IGSF21: variants seen among roughly 807,000 people sequenced by gnomAD.
IGSF21 encodes immunoglobulin superfamily member 21.
IGSF21 carries 28 observed loss-of-function variants against 46.8 expected under a neutral mutation model. The observed-to-expected ratio is 0.60, with a 90% CI of 0.44 to 0.82. The LOEUF (loss-of-function observed/expected upper bound fraction) is 0.82. Ranked by LOEUF, IGSF21 falls within the 40% of genes least tolerant of loss-of-function variation. The probability of loss-of-function intolerance (pLI) is 0.00; values close to 1 mark genes in which losing one functional copy is unlikely to be tolerated. For missense variants in IGSF21, 624 were observed against 665.5 expected (o/e 0.94, Z 0.69); for synonymous variants, 284 against 273.6 (o/e 1.04, Z -0.38).
At chr1:18,262,138 A>T (rs750900074) in intron 2 of IGSF21, among the ~76,000 whole-genome samples, 42 of 152,194 alleles carry the variant, frequency 2.8e-4, no homozygotes, top group Non-Finnish European at 5.1e-4. Context: ...TGATGCTGCC[A>T]AATCGGGACC....
At chr1:18,343,966 G>T (rs1557653135) in intron 4 of IGSF21, among the ~76,000 whole-genome samples, 1 of 152,174 alleles carries the variant, frequency 6.6e-6, no homozygotes, top group Non-Finnish European at 1.5e-5. Flanking sequence ...GGACTGGTGA[G>T]GGTTCCCAGA....
intron 1 of IGSF21, among the ~76,000 whole-genome samples, chr1:18,130,655 G>A (rs771122781): frequency 3.9e-5 from 6 of 152,154 alleles, no homozygotes; most frequent in Admixed American, 3.3e-4. Context: ...GTCAGAGCCC[G>A]GATTCAAATC....
At chr1:18,214,245 A>AGCCCG (rs1167676204) in intron 1 of IGSF21, among the ~76,000 whole-genome samples, 11 of 152,186 alleles carry the variant, frequency 7.2e-5, no homozygotes, top group African/African-American at 2.4e-4. Flanking sequence ...ATTTCAAAAG[A>AGCCCG]GCCCGGGAGG....
intron 2 of IGSF21, among the ~76,000 whole-genome samples, chr1:18,264,449 T>C (rs1237495932): frequency 1.3e-5 from 2 of 152,226 alleles, no homozygotes; most frequent in Admixed American, 1.3e-4. Context: ...AGATAGTCTG[T>C]GCCTTCAGAC....
intron 1 of IGSF21, among the ~76,000 whole-genome samples, chr1:18,215,881 TC>T (rs1453272524): frequency 7.9e-5 from 12 of 152,072 alleles, no homozygotes; most frequent in Non-Finnish European, 1.8e-4. Flanking sequence ...GGCTCACAAA[TC>T]CCCGTAAGGT....
At chr1:18,298,735 T>G (rs928293406) in intron 3 of IGSF21, among the ~76,000 whole-genome samples, 3 of 152,228 alleles carry the variant, frequency 2.0e-5, no homozygotes, top group African/African-American at 7.2e-5. Flanking sequence ...CACTCAACAG[T>G]GCACAATAAG....
intron 2 of IGSF21, among the ~76,000 whole-genome samples, chr1:18,273,359 C>G (rs989769283): frequency 5.2e-4 from 63 of 121,992 alleles, no homozygotes; most frequent in African/African-American, 2.2e-3. Flanking sequence ...CCTTTCCTTT[C>G]CTTTCCTTTC....
In IGSF21 at chr1:18,337,845, T is replaced by G. The variant is rs923463799; in HGVS notation, c.424+2835T>G. ...CGGCGCGTGGGGGATTACTATTATC[T>G]CTAACTCACAGATGAAGAGACTGAG... On this transcript the variant is annotated intron_variant, in intron 4 of 9. Transcript: ENST00000251296. The surrounding 1 kb of genome is among the most constrained non-coding windows in gnomAD (Gnocchi z 5.7). 6.6e-6 allele frequency among the ~76,000 whole-genome samples: 1 copy of G among 152,084 alleles called. No homozygotes were observed. The highest frequency in any genetic ancestry group is 1.5e-5 in the Non-Finnish European group (1 of 68,026).
At chr1:18,203,617 A>G (rs1429442651) in intron 1 of IGSF21, among the ~76,000 whole-genome samples, 7 of 152,102 alleles carry the variant, frequency 4.6e-5, no homozygotes, top group African/African-American at 1.7e-4. Flanking sequence ...CCCCTTGATA[A>G]CTAATTGTTA....
intron 3 of IGSF21, among the ~76,000 whole-genome samples, chr1:18,314,848 T>C (rs2085524831): frequency 6.6e-6 from 1 of 152,046 alleles, no homozygotes; most frequent in South Asian, 2.1e-4. Flanking sequence ...AAGAGCTGGA[T>C]GGGCGGATGA....
At chr1:18,268,746 T>C (rs1269315640) in intron 2 of IGSF21, among the ~76,000 whole-genome samples, 1 of 152,124 alleles carries the variant, frequency 6.6e-6, no homozygotes, top group African/African-American at 2.4e-5. Flanking sequence ...GAATCATGCA[T>C]GTAGTTGGTC....
At chr1:18,205,363 G>A (rs737484) in intron 1 of IGSF21, among the ~76,000 whole-genome samples, 1,954 of 152,188 alleles carry the variant, frequency 0.013, 36 homozygotes, top group African/African-American at 0.045. Context: ...ATAAGAGTGG[G>A]TCTGTGCCTC....
chr1:18,320,951 G>A (rs2085594601), intron 3 of IGSF21, among the ~76,000 whole-genome samples: 1 of 152,184 alleles, frequency 6.6e-6, no homozygotes, highest in East Asian at 1.9e-4. Context: ...AGGAAACTGG[G>A]CTGATTGACA....
intron 1 of IGSF21, among the ~76,000 whole-genome samples, chr1:18,205,975 G>A (rs1040827677): frequency 6.6e-6 from 1 of 152,166 alleles, no homozygotes; most frequent in African/African-American, 2.4e-5. Context: ...AACAATTCCT[G>A]GATACTGTTT....
intron 1 of IGSF21, chr1:18,112,235 G>A (rs1029154366): frequency 3.3e-5 from 5 of 152,228 alleles, no homozygotes; most frequent in African/African-American, 1.2e-4. Flanking sequence ...AGGCCACCAG[G>A]AATTCATTTA....
chr1:18,124,418 G>T (rs548518317), intron 1 of IGSF21, among the ~76,000 whole-genome samples: 21 of 152,312 alleles, frequency 1.4e-4, no homozygotes, highest in African/African-American at 3.8e-4. Flanking sequence ...ACCGGCTAAG[G>T]GGTTGCGCAG....
intron 2 of IGSF21, among the ~76,000 whole-genome samples, chr1:18,241,157 A>G (rs112817445): frequency 4.4e-4 from 67 of 152,172 alleles, no homozygotes; most frequent in African/African-American, 1.5e-3. Flanking sequence ...AACGAATTTT[A>G]TAGGGTTCAG....
chr1:18,268,632 G>C (rs990492157), intron 2 of IGSF21, among the ~76,000 whole-genome samples: 1 of 152,222 alleles, frequency 6.6e-6, no homozygotes, highest in Non-Finnish European at 1.5e-5. Flanking sequence ...CCCTAAGGTG[G>C]TCACCAATGT....
intron 1 of IGSF21, among the ~76,000 whole-genome samples, chr1:18,122,885 C>T (rs1287932963): frequency 6.6e-6 from 1 of 152,080 alleles, no homozygotes; most frequent in African/African-American, 2.4e-5. Flanking sequence ...CCTTGGCCTC[C>T]CAAAGTGCTA....
Sources: gnomAD v4.1 joint callset for allele counts (sites outside exome capture counted in the v4.1 genomes callset) on GRCh38, gnomAD v4.1.1 for gene constraint, Gnocchi (gnomAD v3.1) non-coding constraint, MANE v1.5 for transcripts, NCBI Gene and HGNC (gene_info 2026-07-23, HGNC 2026-07-21) for gene names.